The following AUH variants were observed in gnomAD, a reference collection of about 807,000 sequenced individuals.
AUH encodes the protein AU RNA binding methylglutaconyl-CoA hydratase, also known as methylglutaconyl-CoA hydratase, mitochondrial.
AUH carries 29 observed loss-of-function variants against 42.3 expected under a neutral mutation model. The observed-to-expected ratio is 0.69, with a 90% confidence interval of 0.51 to 0.93. The LOEUF (loss-of-function observed/expected upper bound fraction) is 0.93. AUH is among the 40% of genes least tolerant of loss of function. The pLI is 0.00. For synonymous variants in AUH, 174 were observed against 166.4 expected, an observed-to-expected ratio of 1.05 and a Z score of -0.35; for missense variants, 452 against 438.1, an observed-to-expected ratio of 1.03 and a Z score of -0.28.
chr9:91,318,532 A>G (rs1476798885), intron 4 of AUH, among the ~76,000 whole-genome samples: 1 of 152,162 alleles, frequency 6.6e-6, no homozygotes, highest in African/African-American at 2.4e-5. Flanking sequence ...ATCTGGTCCT[A>G]TGTTTCCTTA....
chr9:91,224,660 G>A (rs1827334609), intron 6 of AUH, among the ~76,000 whole-genome samples: 1 of 152,202 alleles, frequency 6.6e-6, no homozygotes, highest in South Asian at 2.1e-4. Context: ...ACTATTTCCT[G>A]AAAGGGACAT....
chr9:91,214,301 C>T lies in AUH; in HGVS notation c.*47G>A, dbSNP rs1402121354. On this transcript the variant is annotated 3_prime_UTR_variant, in exon 10 of 10. Transcript: ENST00000375731. Reference sequence around the variant, plus strand: ...ATATAGTGGATCCGAAAGACACTTCCAGGAAGTACATTTATTACATTGGCA... The same window carrying T: ...ATATAGTGGATCCGAAAGACACTTCTAGGAAGTACATTTATTACATTGGCA... 3 of 1,509,262 alleles carry T rather than the reference C, an allele frequency of 2.0e-6. No homozygotes were observed. Among genetic ancestry groups the T allele is most frequent in the Non-Finnish European group, 1.8e-6 (2 of 1,096,648 alleles). 93.5% of individuals were successfully genotyped at this position (1,509,262 alleles called of 1,614,324 possible). A position where few individuals can be genotyped will look rare whatever the true frequency, so the allele number is the denominator to read the frequency against.
At chr9:91,229,115 CT>C (rs1393585428) in intron 6 of AUH, among the ~76,000 whole-genome samples, 1 of 146,952 alleles carries the variant, frequency 6.8e-6, no homozygotes, top group African/African-American at 2.5e-5. Flanking sequence ...TCCTTGTTGA[CT>C]TTCTGTCTCG....
At chr9:91,256,950 T>G (rs116601760) in intron 6 of AUH, among the ~76,000 whole-genome samples, 1 of 152,048 alleles carries the variant, frequency 6.6e-6, no homozygotes, top group Admixed American at 6.6e-5. Flanking sequence ...CATCAAAGCT[T>G]CTCTCTCCTT....
At chr9:91,314,800 T>C (rs1829018655) in intron 4 of AUH, among the ~76,000 whole-genome samples, 1 of 152,232 alleles carries the variant, frequency 6.6e-6, no homozygotes, top group African/African-American at 2.4e-5. Flanking sequence ...GCCTGAATGC[T>C]GCCCCGCCCT....
chr9:91,254,689 G>A (rs930691554), intron 6 of AUH, among the ~76,000 whole-genome samples: 3 of 152,152 alleles, frequency 2.0e-5, no homozygotes, highest in Admixed American at 1.3e-4. Context: ...AACATGTCAA[G>A]AACTGCCTAT....
intron 6 of AUH, among the ~76,000 whole-genome samples, chr9:91,234,924 C>A (rs979020324): frequency 6.7e-6 from 1 of 150,232 alleles, no homozygotes; most frequent in Admixed American, 6.7e-5. Flanking sequence ...TGAAATATAA[C>A]CAGACATCCA....
chr9:91,288,957 C>CAGG (rs2131607091), intron 6 of AUH, among the ~76,000 whole-genome samples: 2 of 152,220 alleles, frequency 1.3e-5, no homozygotes, highest in African/African-American at 4.8e-5. Flanking sequence ...TATTGCTACG[C>CAGG]AGGTCAAAGC....
chr9:91,214,482 A>T (rs1795164465), intron 9 of AUH, 57 bp from the exon 10 acceptor site: 2 of 1,408,224 alleles, frequency 1.4e-6, no homozygotes, highest in East Asian at 4.9e-5. Flanking sequence ...GTAAAAGTTT[A>T]TCAAGCACTA....
chr9:91,346,091 T>A (rs562022563), intron 3 of AUH, among the ~76,000 whole-genome samples: 2 of 151,898 alleles, frequency 1.3e-5, no homozygotes, highest in East Asian at 3.9e-4. Context: ...AGTGACAGAG[T>A]GTCTTTTGTT....
Position 91,220,917 on chromosome 9 carries a change from T to C in AUH, c.731A>G (p.Asp244Gly). ...GCCCACTGCTTTGGCTTCTTTGCCA[T>C]CGAGGACTCGCGCAGAGAATATGAG... ...KELIFSARVL[D>G]GKEAKAVGLI... Residue 244 changes from aspartate (D) to glycine (G), a missense_variant, in exon 7 of 10, where the codon GAT (aspartate) becomes GGT (glycine). Physicochemically the swap from Asp to Gly is moderately conservative, Grantham distance 94. Transcript: ENST00000375731. 1 of 1,614,232 alleles carries C rather than the reference T, an allele frequency of 6.2e-7. No individual in the cohort carries two copies.
intron 6 of AUH, among the ~76,000 whole-genome samples, chr9:91,279,095 AG>A (rs1368975648): frequency 6.6e-6 from 1 of 152,122 alleles, no homozygotes; most frequent in Non-Finnish European, 1.5e-5. Context: ...AAATATGTGT[AG>A]TTTATTGTAC....
intron 3 of AUH, among the ~76,000 whole-genome samples, chr9:91,354,657 G>A (rs930138842): frequency 3.3e-5 from 5 of 152,036 alleles, no homozygotes; most frequent in South Asian, 2.1e-4. Context: ...AAACAATGCC[G>A]GGATGACCAC....
intron 3 of AUH, among the ~76,000 whole-genome samples, chr9:91,350,847 C>T (rs905920793): frequency 3.3e-5 from 5 of 151,782 alleles, no homozygotes; most frequent in African/African-American, 1.2e-4. Context: ...GAAAAATACA[C>T]TAATATACTT....
intron 6 of AUH, among the ~76,000 whole-genome samples, chr9:91,256,257 C>T (rs1244066820): frequency 6.6e-6 from 1 of 152,106 alleles, no homozygotes; most frequent in Non-Finnish European, 1.5e-5. Flanking sequence ...GTTAATAAAA[C>T]CATTAACAAG....
chr9:91,290,753 GCTCT>G (rs1323625792), intron 6 of AUH, among the ~76,000 whole-genome samples: 2 of 152,056 alleles, frequency 1.3e-5, no homozygotes, highest in Non-Finnish European at 2.9e-5. Context: ...ACCAAACACT[GCTCT>G]CTATCTTCTG....
chr9:91,224,595 T>TG (rs1324672355), intron 6 of AUH, among the ~76,000 whole-genome samples: 1 of 152,224 alleles, frequency 6.6e-6, no homozygotes, highest in Admixed American at 6.5e-5. Flanking sequence ...TCTTATGCTA[T>TG]GGTCTTTGAT....
intron 6 of AUH, among the ~76,000 whole-genome samples, chr9:91,253,939 C>T (rs1044428677): frequency 6.6e-6 from 1 of 152,088 alleles, no homozygotes; most frequent in East Asian, 1.9e-4. Context: ...AAAAAATTAA[C>T]GTTAAGTCAA....
At chr9:91,230,467 C>G (rs1240570963) in intron 6 of AUH, among the ~76,000 whole-genome samples, 1 of 151,530 alleles carries the variant, frequency 6.6e-6, no homozygotes, top group East Asian at 1.9e-4. Context: ...AAATTTTTTT[C>G]AAAGTTTTCA....
Sources: gnomAD v4.1 joint callset for allele counts (sites outside exome capture counted in the v4.1 genomes callset) on GRCh38, gnomAD v4.1.1 for gene constraint, MANE v1.5 for transcripts, NCBI Gene and HGNC (gene_info 2026-07-23, HGNC 2026-07-21) for gene names.